XYLT1: variants seen among roughly 807,000 people sequenced by gnomAD.
XYLT1 encodes beta-D-xylosyltransferase 1.
In XYLT1, 36 loss-of-function variants were observed where a neutral mutation model predicts 91.3. That is an observed-to-expected ratio of 0.39 (90% CI 0.30 to 0.52). XYLT1 has a LOEUF of 0.52. Ranked by LOEUF, XYLT1 falls within the 20% of genes least tolerant of loss-of-function variation. The pLI is 0.68. For missense variants in XYLT1, 1,242 were observed against 1,284.5 expected (o/e 0.97, Z 0.51); for synonymous variants, 588 against 532.0 (o/e 1.11, Z -1.45).
intron 1 of XYLT1, among the ~76,000 whole-genome samples, chr16:17,398,270 C>T (rs903491340): frequency 6.6e-6 from 1 of 152,288 alleles, no homozygotes; most frequent in Middle Eastern, 3.4e-3. Flanking sequence ...GCTTAAGTGC[C>T]TGCTGGAATC....
At chr16:17,315,629 A>G (rs1447122836) in intron 2 of XYLT1, among the ~76,000 whole-genome samples, 1 of 152,194 alleles carries the variant, frequency 6.6e-6, no homozygotes, top group Non-Finnish European at 1.5e-5. Context: ...CCAGCCCCAT[A>G]GCATAAGACT....
chr16:17,172,058 T>C (rs1171337401), intron 5 of XYLT1, among the ~76,000 whole-genome samples: 3 of 152,094 alleles, frequency 2.0e-5, no homozygotes. Flanking sequence ...CCTTGTGGAG[T>C]TGTTTTGGGG....
chr16:17,161,657 C>T (rs956019414), intron 5 of XYLT1, among the ~76,000 whole-genome samples: 4 of 145,170 alleles, frequency 2.8e-5, no homozygotes, highest in Admixed American at 7.1e-5. Context: ...GACATTTTAC[C>T]CCGTTCCAGT....
At chr16:17,267,908 C>CTTA (rs1555492637) in intron 2 of XYLT1, among the ~76,000 whole-genome samples, 2,702 of 151,504 alleles carry the variant, frequency 0.018, 100 homozygotes, top group Admixed American at 0.1. Flanking sequence ...GAATTTAAAA[C>CTTA]ACTTAATACC....
At chr16:17,160,840 T>A (rs2031531442) in intron 5 of XYLT1, among the ~76,000 whole-genome samples, 1 of 152,114 alleles carries the variant, frequency 6.6e-6, no homozygotes, top group Non-Finnish European at 1.5e-5. Flanking sequence ...GGAAACTAAA[T>A]CGGCCTATAA....
At chr16:17,436,186 G>A (rs1348386728) in intron 1 of XYLT1, among the ~76,000 whole-genome samples, 5 of 152,220 alleles carry the variant, frequency 3.3e-5, no homozygotes, top group Non-Finnish European at 5.9e-5. Context: ...CCCCAGCCAT[G>A]TTAGAACTTC....
intron 3 of XYLT1, among the ~76,000 whole-genome samples, chr16:17,236,059 G>A (rs1975827): frequency 0.087 from 13,294 of 152,088 alleles, 1,844 homozygotes; most frequent in African/African-American, 0.29. Flanking sequence ...TAGAGACGGG[G>A]TTTCACCATA....
intron 5 of XYLT1, among the ~76,000 whole-genome samples, chr16:17,175,666 C>T: frequency 6.6e-6 from 1 of 152,176 alleles, no homozygotes; most frequent in South Asian, 2.1e-4. Context: ...GTATCTGCTC[C>T]ATGACATCAA....
intron 2 of XYLT1, 148 bp from the exon 3 acceptor site, chr16:17,259,646 GAT>G (rs2033693099): frequency 2.1e-6 from 2 of 950,876 alleles, no homozygotes. Flanking sequence ...CCTCTGGTAA[GAT>G]GGCTCTCTCT....
chr16:17,465,073 G>C (rs1331687961), intron 1 of XYLT1, among the ~76,000 whole-genome samples: 1 of 149,528 alleles, frequency 6.7e-6, no homozygotes, highest in Admixed American at 6.7e-5. Context: ...GAACCTAGGA[G>C]GCGGAGGTTG....
At position 17,344,328 on chromosome 16, in the gene XYLT1, A is replaced by C. The variant is rs1385295884; in HGVS notation, c.402+13684T>G. Reference sequence around the variant, plus strand: ...AAACCCCGTCTCTACTAAAAAATACAAAAAAAAAAAAAAAATTAGCCGGGC... The same window carrying C: ...AAACCCCGTCTCTACTAAAAAATACCAAAAAAAAAAAAAAATTAGCCGGGC... On this transcript the variant is annotated intron_variant, in intron 2 of 11. Coordinates refer to ENST00000261381, the MANE Select transcript of XYLT1 (RefSeq NM_022166.4). 2.2e-5 allele frequency among the ~76,000 whole-genome samples: 3 copies of C among 136,714 alleles called. No homozygotes were observed. The East Asian group carries it at 6.4e-4, about 29-fold the overall frequency. 89.7% of individuals were successfully genotyped at this position (136,714 alleles called of 152,430 possible). A position where few individuals can be genotyped will look rare whatever the true frequency, so the allele number is the denominator to read the frequency against.
At chr16:17,318,917 A>G (rs1195097353) in intron 2 of XYLT1, among the ~76,000 whole-genome samples, 2 of 151,720 alleles carry the variant, frequency 1.3e-5, no homozygotes, top group African/African-American at 4.8e-5. Context: ...CCTCTCGAGT[A>G]GCTGGGATTA....
At chr16:17,215,851 G>T (rs1028414374) in intron 3 of XYLT1, among the ~76,000 whole-genome samples, 1 of 152,108 alleles carries the variant, frequency 6.6e-6, no homozygotes, top group South Asian at 2.1e-4. Flanking sequence ...AGGATGGGCC[G>T]ACAGCAGAGG....
intron 1 of XYLT1, among the ~76,000 whole-genome samples, chr16:17,369,171 G>A (rs1481983353): frequency 1.4e-4 from 20 of 138,054 alleles, no homozygotes; most frequent in South Asian, 1.1e-3. Flanking sequence ...TGCTTGTCAC[G>A]CAAGCTAGAG....
intron 3 of XYLT1, among the ~76,000 whole-genome samples, chr16:17,216,267 C>G (rs188502340): frequency 2.2e-4 from 34 of 152,248 alleles, no homozygotes; most frequent in African/African-American, 7.9e-4. Context: ...ACAAATGGAG[C>G]CTCTCGAGGA....
chr16:17,430,548 G>C (rs1263785914), intron 1 of XYLT1, among the ~76,000 whole-genome samples: 5 of 152,154 alleles, frequency 3.3e-5, no homozygotes, highest in Non-Finnish European at 5.9e-5. Context: ...ACCAAGTGCA[G>C]GCCCATTCCT....
chr16:17,199,801 T>G (rs896650674), intron 4 of XYLT1, among the ~76,000 whole-genome samples: 2 of 152,206 alleles, frequency 1.3e-5, no homozygotes, highest in Admixed American at 1.3e-4. Flanking sequence ...AACATCTTTC[T>G]TTATAAATTA....
chr16:17,406,121 G>A (rs1332680684), intron 1 of XYLT1, among the ~76,000 whole-genome samples: 1 of 152,182 alleles, frequency 6.6e-6, no homozygotes, highest in East Asian at 1.9e-4. Flanking sequence ...GGAGGTGGAG[G>A]CTGCAATGGG....
intron 5 of XYLT1, among the ~76,000 whole-genome samples, chr16:17,187,941 T>A (rs962257296): frequency 6.6e-6 from 1 of 152,122 alleles, no homozygotes; most frequent in Non-Finnish European, 1.5e-5. Flanking sequence ...TCCTTGCATC[T>A]CACGCTTGCT....
Sources: allele counts gnomAD v4.1 joint callset (sites outside exome capture counted in the v4.1 genomes callset), GRCh38; gene constraint gnomAD v4.1.1; transcripts MANE v1.5; gene names NCBI Gene and HGNC (gene_info 2026-07-23, HGNC 2026-07-21).